SLC2A5: variants seen among roughly 807,000 people sequenced by gnomAD.
SLC2A5 encodes solute carrier family 2 member 5, also known as solute carrier family 2, facilitated glucose transporter member 5.
A neutral mutation model predicts 50.3 loss-of-function variants in SLC2A5; 56 were observed. The observed-to-expected ratio is 1.11, with a 90% CI of 0.90 to 1.39. The LOEUF (loss-of-function observed/expected upper bound fraction) is 1.39. SLC2A5 is among the 40% of genes most tolerant of loss of function. SLC2A5 has a pLI of 0.00. For missense variants in SLC2A5, 566 were observed against 650.1 expected, an observed-to-expected ratio of 0.87 and a Z score of 1.41; for synonymous variants, 269 against 281.9, an observed-to-expected ratio of 0.95 and a Z score of 0.46.
intron 1 of SLC2A5, among the ~76,000 whole-genome samples, chr1:9,085,843 T>C (rs971854262): frequency 6.6e-6 from 1 of 152,296 alleles, no homozygotes; most frequent in East Asian, 1.9e-4. Context: ...TGAAAAGCTT[T>C]CCCTGATGCA....
intron 1 of SLC2A5, among the ~76,000 whole-genome samples, chr1:9,066,969 C>T (rs1340313454): frequency 6.7e-6 from 1 of 149,056 alleles, no homozygotes; most frequent in Non-Finnish European, 1.5e-5. Flanking sequence ...CAGAGTAAGA[C>T]CCTGTCTCAA....
rs759455813 is a variant in SLC2A5 at position 9,058,242 on chromosome 1, C to T, written c.42G>A (p.Thr14=). 1.3e-5 allele frequency: 21 copies of T among 1,613,510 alleles called. No individual in the cohort carries two copies. The highest frequency in any genetic ancestry group is 4.4e-5 in the South Asian group (4 of 91,072). The change falls in exon 2 of 12, where the codon ACG becomes ACA. Residue 14 remains threonine, a synonymous_variant. Coordinates refer to ENST00000377424, the MANE Select transcript of SLC2A5 (RefSeq NM_003039.3). ...TCAGGGTTGCCAGGGCAAGCACAAG[C>T]GTCAGCCTCTGCAGAGATCACAGCT... The part of the protein sequence containing the change: ...QDQSMKEGRL[T]LVLALATLIA...
chr1:9,050,973 G>A (rs980894543), intron 3 of SLC2A5, among the ~76,000 whole-genome samples: 1 of 152,262 alleles, frequency 6.6e-6, no homozygotes, highest in African/African-American at 2.4e-5. Context: ...ATTCCAGGGA[G>A]GAAGAGGTAA....
At chr1:9,038,992 C>CA (rs2124303131) in intron 8 of SLC2A5, 63 bp from the exon 9 acceptor site, 1 of 1,566,002 alleles carries the variant, frequency 6.4e-7, no homozygotes, top group South Asian at 1.2e-5. Context: ...CAGCCCCCTC[C>CA]AATGGGGCAG....
At chr1:9,091,515 G>A (rs1016494211), upstream of SLC2A5, among the ~76,000 whole-genome samples, 3 of 152,034 alleles carry the variant, frequency 2.0e-5, no homozygotes, top group Non-Finnish European at 4.4e-5. Context: ...ACAAGATATG[G>A]TCAGCCATAA....
At chr1:9,064,261 A>T (rs942980879) in intron 1 of SLC2A5, among the ~76,000 whole-genome samples, 3 of 152,002 alleles carry the variant, frequency 2.0e-5, no homozygotes, top group Non-Finnish European at 4.4e-5. Flanking sequence ...TTTGCTTTCC[A>T]GGAGGGAGAA....
chr1:9,067,913 G>A (rs1209875300), intron 1 of SLC2A5, among the ~76,000 whole-genome samples: 1 of 152,134 alleles, frequency 6.6e-6, no homozygotes, highest in Non-Finnish European at 1.5e-5. Flanking sequence ...ACGATGGCCG[G>A]GCGCGGTGGC....
chr1:9,041,792 G>T lies in SLC2A5; in HGVS notation c.564C>A (p.Asn188Lys), dbSNP rs142034482. Residue 188 changes from asparagine to lysine, a missense_variant, in exon 5 of 12, where the codon AAC becomes AAA. Coordinates refer to ENST00000377424, the MANE Select transcript of SLC2A5 (RefSeq NM_003039.3). ...QIFGLRNLLANVDGWPILLGL... is the reference protein window; with the variant it reads ...QIFGLRNLLAKVDGWPILLGL... Reference sequence around the variant, plus strand: ...GAGATGTCCTGAACTCACCATCTACGTTTGCAAGGAGATTCCGAAGACCAA... The same window carrying T: ...GAGATGTCCTGAACTCACCATCTACTTTTGCAAGGAGATTCCGAAGACCAA... 27 of 1,613,966 alleles carry T rather than the reference G, an allele frequency of 1.7e-5. No individual in the cohort carries two copies. The highest frequency in any genetic ancestry group is 2.3e-5 in the Non-Finnish European group (27 of 1,180,024).
intron 2 of SLC2A5, among the ~76,000 whole-genome samples, chr1:9,077,356 G>C (rs556597086): frequency 6.9e-6 from 1 of 144,992 alleles, no homozygotes; most frequent in Admixed American, 7.0e-5. Flanking sequence ...CTGAGATAGC[G>C]CCACTGCACT....
intron 1 of SLC2A5, among the ~76,000 whole-genome samples, chr1:9,067,960 C>A (rs576042255): frequency 6.6e-6 from 1 of 151,950 alleles, no homozygotes; most frequent in Non-Finnish European, 1.5e-5. Context: ...GAGGCCGAGG[C>A]GGGCGGATCA....
Position 9,037,440 on chromosome 1 carries a change from A to T in SLC2A5, c.*146T>A. On this transcript the variant is annotated 3_prime_UTR_variant, in exon 12 of 12. Coordinates refer to ENST00000377424, the MANE Select transcript of SLC2A5 (RefSeq NM_003039.3). ...CAAGGCAGCCCTTTGCACAGTTCCCACTGGGGTGGGGAGGCTGGAGATGAG... is the reference window on the plus strand; with the variant it reads ...CAAGGCAGCCCTTTGCACAGTTCCCTCTGGGGTGGGGAGGCTGGAGATGAG... The T allele has an allele frequency of 1.4e-6, 1 of 697,126 alleles. No homozygotes were observed. Among genetic ancestry groups the T allele is most frequent in the Non-Finnish European group, 2.5e-6 (1 of 405,864 alleles). 43.2% of individuals were successfully genotyped at this position (697,126 alleles called of 1,614,324 possible).
chr1:9,070,718 T>C (rs1338573407), upstream of SLC2A5, among the ~76,000 whole-genome samples: 1 of 152,270 alleles, frequency 6.6e-6, no homozygotes, highest in East Asian at 1.9e-4. Flanking sequence ...CTGAATCTCA[T>C]GCATCTTTAA....
intron 1 of SLC2A5, among the ~76,000 whole-genome samples, chr1:9,059,298 A>G (rs1385787844): frequency 6.7e-6 from 1 of 150,362 alleles, no homozygotes; most frequent in East Asian, 1.9e-4. Flanking sequence ...ACCCGCCACC[A>G]CGCCTGGCTA....
At chr1:9,078,203 T>G (rs967774805) in intron 2 of SLC2A5, among the ~76,000 whole-genome samples, 3 of 152,164 alleles carry the variant, frequency 2.0e-5, no homozygotes, top group African/African-American at 7.2e-5. Flanking sequence ...TAATGTATTA[T>G]AATTAGCATA....
chr1:9,040,335 C>T lies in SLC2A5; in HGVS notation c.572-146G>A. On this transcript the variant is annotated intron_variant, in intron 5 of 11. Transcript: ENST00000377424. The surrounding 1 kb of genome is among the most constrained non-coding windows in gnomAD (Gnocchi z 4.3). The stretch of plus-strand genomic sequence containing the variant: ...TTCCCAGCCCTAAGAACAGCAACTC[C>T]CGACGGTGGACACTCGGGAAACACC... 1 of 970,998 alleles carries T rather than the reference C, an allele frequency of 1.0e-6. No homozygotes were observed. Among genetic ancestry groups the T allele is most frequent in the Non-Finnish European group, 1.5e-6 (1 of 675,924 alleles). 60.1% of individuals were successfully genotyped at this position (970,998 alleles called of 1,614,324 possible). A position where few individuals can be genotyped will look rare whatever the true frequency, so the allele number is the denominator to read the frequency against.
At chr1:9,082,184 A>G (rs1642362504) in intron 2 of SLC2A5, among the ~76,000 whole-genome samples, 1 of 152,174 alleles carries the variant, frequency 6.6e-6, no homozygotes, top group Non-Finnish European at 1.5e-5. Flanking sequence ...TGAGGAAAAA[A>G]CAGTTTGGTG....
chr1:9,061,253 G>A (rs1449622127), intron 1 of SLC2A5, among the ~76,000 whole-genome samples: 2 of 143,580 alleles, frequency 1.4e-5, no homozygotes, highest in African/African-American at 2.6e-5. Context: ...CTGCACTCCA[G>A]CCTGGGTGAC....
chr1:9,054,410 C>A (rs1322592933), intron 3 of SLC2A5, among the ~76,000 whole-genome samples: 2 of 152,118 alleles, frequency 1.3e-5, no homozygotes, highest in African/African-American at 4.8e-5. Flanking sequence ...TTTATAAATT[C>A]AGAGCAATGC....
intron 2 of SLC2A5, chr1:9,082,717 A>G (rs1032499233): frequency 3.9e-5 from 12 of 307,338 alleles, no homozygotes; most frequent in East Asian, 9.6e-5. Context: ...AAAGGCTCCT[A>G]TGTTTTTGAA....
Sources: allele counts gnomAD v4.1 joint callset (sites outside exome capture counted in the v4.1 genomes callset), GRCh38; gene constraint gnomAD v4.1.1; non-coding constraint Gnocchi (gnomAD v3.1); transcripts MANE v1.5; gene names NCBI Gene and HGNC (gene_info 2026-07-23, HGNC 2026-07-21).